MDH1B: variants seen among roughly 807,000 people sequenced by gnomAD.
MDH1B encodes malate dehydrogenase 1B, also known as putative malate dehydrogenase 1B.
In MDH1B, 60 loss-of-function variants were observed where a neutral mutation model predicts 61.4. That is an observed-to-expected ratio of 0.98 (90% CI 0.79 to 1.21). The LOEUF is 1.21. Among genes scored for constraint, MDH1B ranks in the 50% most tolerant of loss-of-function variants. MDH1B has a pLI of 0.00. For synonymous variants in MDH1B, 236 were observed against 218.7 expected (o/e 1.08, Z -0.70); for missense variants, 587 against 632.1 (o/e 0.93, Z 0.76).
chr2:206,757,258 A>G lies in MDH1B; in HGVS notation c.249T>C (p.Asn83=), dbSNP rs762765237. The change falls in exon 3 of 12, where the codon AAT becomes AAC. Residue 83 remains asparagine, a synonymous_variant. Transcript: ENST00000374412. ...ATACCTGAGCATGCTCCAGGAACTC[A>G]TTATATCCTCCCAAAAGCAAACCCT... ...GGKGLLLGGY[N]EFLEHAQLYY... 6.2e-7 allele frequency: 1 copy of G among 1,613,942 alleles called. No individual in the cohort carries two copies. The highest frequency in any genetic ancestry group is 2.2e-5 in the East Asian group (1 of 44,866).
At chr2:206,759,587 C>T (rs533183883) in intron 2 of MDH1B, among the ~76,000 whole-genome samples, 3 of 152,284 alleles carry the variant, frequency 2.0e-5, no homozygotes, top group South Asian at 4.1e-4. Context: ...TCCACAACCT[C>T]GCCAGCATCT....
intron 4 of MDH1B, 25 bp downstream of exon 4, chr2:206,756,873 G>A (rs1234648811): frequency 6.2e-7 from 1 of 1,610,378 alleles, no homozygotes; most frequent in Non-Finnish European, 8.5e-7. Context: ...TAAATCTCAT[G>A]AATCCTGGGA....
At chr2:206,745,509 G>T in intron 9 of MDH1B, 113 bp downstream of exon 9, 2 of 813,242 alleles carry the variant, frequency 2.5e-6, no homozygotes, top group Non-Finnish European at 4.0e-6. Context: ...CATTAGTTTA[G>T]AAATGACAAA....
chr2:206,743,810 G>T (rs980687331), intron 9 of MDH1B, among the ~76,000 whole-genome samples: 3 of 151,696 alleles, frequency 2.0e-5, no homozygotes, highest in South Asian at 2.1e-4. Context: ...TAGTAAATCT[G>T]CCCAGTTGTT....
In MDH1B at chr2:206,749,187, T is replaced by C. The variant is rs771875989; in HGVS notation, c.1053-4A>G. ...AAATTCTCTTTTTACCCACTCACTG[T>C]AAGGAGAGAAAGAAACAATTTTACA... is the stretch of plus-strand genomic sequence containing the variant. On this transcript the variant is annotated splice_region_variant and splice_polypyrimidine_tract_variant and intron_variant, in intron 6 of 11. Transcript: ENST00000374412. The C allele has an allele frequency of 3.1e-6, 5 of 1,613,426 alleles. No homozygotes were observed. The highest frequency in any genetic ancestry group is 4.2e-6 in the Non-Finnish European group (5 of 1,179,664).
chr2:206,757,422 T>G, intron 2 of MDH1B, 51 bp from the exon 3 acceptor site: 1 of 1,574,776 alleles, frequency 6.4e-7, no homozygotes, highest in Non-Finnish European at 8.6e-7. Flanking sequence ...GCCTGAGAAT[T>G]CAATTTCATA....
At chr2:206,751,378 G>C (rs999895458) in intron 5 of MDH1B, among the ~76,000 whole-genome samples, 2 of 152,130 alleles carry the variant, frequency 1.3e-5, no homozygotes, top group African/African-American at 4.8e-5. Flanking sequence ...TGTTTGTCCT[G>C]ACTTTGCTTA....
At position 206,765,267 on chromosome 2, in the gene MDH1B, G is replaced by GCCAT; in HGVS notation, c.1_4dup (p.Ala2AspfsTer9). On this transcript the variant is annotated frameshift_variant, in exon 1 of 12. Transcript: ENST00000374412. LOFTEE classifies it high-confidence loss of function. ...TCACTCACCCGCGATGACGAATTTG[G>GCCAT]CCATGGTCGAGAGAGACTCAGAGGC... 1 of 1,602,564 alleles carries GCCAT rather than the reference G, an allele frequency of 6.2e-7. No homozygotes were observed. The highest frequency in any genetic ancestry group is 1.7e-4 in the Middle Eastern group (1 of 6,018).
intron 2 of MDH1B, among the ~76,000 whole-genome samples, chr2:206,760,325 G>C (rs1689015595): frequency 1.3e-5 from 2 of 152,198 alleles, no homozygotes; most frequent in South Asian, 2.1e-4. Context: ...GGCTGGTTGA[G>C]GAGGGAGCAC....
At chr2:206,762,141 T>C (rs1689135245) in intron 1 of MDH1B, among the ~76,000 whole-genome samples, 1 of 151,618 alleles carries the variant, frequency 6.6e-6, no homozygotes, top group South Asian at 2.1e-4. Context: ...TCTGTTTCCC[T>C]TATCAGCACT....
At chr2:206,760,420 G>C (rs376411995) in intron 2 of MDH1B, among the ~76,000 whole-genome samples, 8 of 152,276 alleles carry the variant, frequency 5.3e-5, no homozygotes, top group African/African-American at 1.9e-4. Flanking sequence ...GCCCTCTGTT[G>C]CAGCTATGTC....
chr2:206,739,657 T>C lies in MDH1B; in HGVS notation c.1464A>G (p.Ala488=), dbSNP rs1367086296. Reference sequence around the variant, plus strand: ...TTTGAGGAATCTGATTTGGAAACTCTGCTGCTGCAAATAGAGTTAAAAGAA... The same window carrying C: ...TTTGAGGAATCTGATTTGGAAACTCCGCTGCTGCAAATAGAGTTAAAAGAA... ...EEKNLAMSDA[A]EFPNQIPQTT... is the part of the protein sequence containing the mutation. The change falls in exon 11 of 12, where the codon GCA becomes GCG. Residue 488 remains alanine, a synonymous_variant. Coordinates refer to ENST00000374412, the MANE Select transcript of MDH1B (RefSeq NM_001039845.3). 4 of 1,613,810 alleles carry C rather than the reference T, an allele frequency of 2.5e-6. No homozygotes were observed. In the Admixed American group the frequency reaches 5.0e-5, roughly 20 times the overall value.
intron 4 of MDH1B, 137 bp from the exon 5 acceptor site, chr2:206,755,642 A>C (rs1348661519): frequency 1.8e-6 from 2 of 1,099,572 alleles, no homozygotes; most frequent in Non-Finnish European, 2.5e-6. Context: ...AGCTGCCCTG[A>C]CATTCTAAGG....
chr2:206,743,278 G>A (rs1281186622), intron 9 of MDH1B, among the ~76,000 whole-genome samples: 1 of 152,096 alleles, frequency 6.6e-6, no homozygotes, highest in African/African-American at 2.4e-5. Context: ...TATTTTTCAG[G>A]TATCATTTTA....
At chr2:206,762,291 C>T (rs1362384868) in intron 1 of MDH1B, among the ~76,000 whole-genome samples, 1 of 152,184 alleles carries the variant, frequency 6.6e-6, no homozygotes, top group African/African-American at 2.4e-5. Flanking sequence ...CCAAACAAAA[C>T]AAAATGGCAT....
At chr2:206,752,995 C>T (rs937533075) in intron 5 of MDH1B, among the ~76,000 whole-genome samples, 4 of 151,166 alleles carry the variant, frequency 2.6e-5, no homozygotes, top group South Asian at 4.2e-4. Context: ...CAAGCCTGGA[C>T]GAGGAGTTTG....
chr2:206,739,132 C>G (rs1163139734), intron 11 of MDH1B, among the ~76,000 whole-genome samples: 5 of 152,080 alleles, frequency 3.3e-5, no homozygotes, highest in Admixed American at 2.6e-4. Context: ...AAGTGGGAAG[C>G]AGGCCAGGCA....
At chr2:206,757,393 G>A (rs1285974217) in intron 2 of MDH1B, 22 bp from the exon 3 acceptor site, 2 of 1,605,138 alleles carry the variant, frequency 1.2e-6, no homozygotes, top group Non-Finnish European at 1.7e-6. Flanking sequence ...TATCCCAAGT[G>A]AAGTCATATA....
intron 5 of MDH1B, among the ~76,000 whole-genome samples, chr2:206,751,955 T>C (rs559903201): frequency 6.6e-6 from 1 of 152,352 alleles, no homozygotes; most frequent in African/African-American, 2.4e-5. Context: ...TTCTCCTGTA[T>C]AAGATTGCTT....
Sources: gnomAD v4.1 joint callset for allele counts (sites outside exome capture counted in the v4.1 genomes callset) on GRCh38, gnomAD v4.1.1 for gene constraint, MANE v1.5 for transcripts, NCBI Gene and HGNC (gene_info 2026-07-23, HGNC 2026-07-21) for gene names.